The following CSRP1 variants were observed in gnomAD, a reference collection of about 807,000 sequenced individuals.
The protein encoded by CSRP1 is cysteine and glycine-rich protein 1.
In CSRP1, 16 loss-of-function variants were observed where a neutral mutation model predicts 25.4. The observed-to-expected ratio is 0.63, with a 90% confidence interval of 0.43 to 0.96. The LOEUF is 0.96. CSRP1 is among the 40% of genes least tolerant of loss of function. The pLI is 0.00. For synonymous variants in CSRP1, 97 were observed against 95.3 expected (o/e 1.02, Z -0.10); for missense variants, 212 against 243.6 (o/e 0.87, Z 0.86).
chr1:201,487,136 G>T, intron 4 of CSRP1: 1 of 529,728 alleles, frequency 1.9e-6, no homozygotes, highest in Non-Finnish European at 3.1e-6. Flanking sequence ...TTGTTGTTGG[G>T]TGTGGTAGCT....
At chr1:201,498,509 C>T (rs891397326) in intron 1 of CSRP1, among the ~76,000 whole-genome samples, 2 of 152,182 alleles carry the variant, frequency 1.3e-5, no homozygotes, top group South Asian at 2.1e-4. Context: ...GATGTGGCAA[C>T]GAGAGCCCAC....
At chr1:201,484,881 C>A in intron 5 of CSRP1, 92 bp from the exon 6 acceptor site, 1 of 1,088,458 alleles carries the variant, frequency 9.2e-7, no homozygotes, top group Admixed American at 2.1e-5. Context: ...ACTCCTAGTG[C>A]CCAGCCAGAC....
chr1:201,503,732 T>C (rs1235027920), intron 1 of CSRP1, among the ~76,000 whole-genome samples: 4 of 152,202 alleles, frequency 2.6e-5, no homozygotes, highest in Non-Finnish European at 4.4e-5. Flanking sequence ...TATAAATTCT[T>C]GACAACTAGA....
chr1:201,502,037 G>A (rs900290578), intron 1 of CSRP1, among the ~76,000 whole-genome samples: 3 of 143,866 alleles, frequency 2.1e-5, no homozygotes, highest in African/African-American at 5.3e-5. Flanking sequence ...ATAAAGTCTG[G>A]CTCAGGTGAC....
rs764524751 is a variant in CSRP1, at chr1:201,485,301, C to T, written c.487G>A (p.Gly163Ser). 9.3e-6 allele frequency: 15 copies of T among 1,614,190 alleles called. No individual in the cohort carries two copies. The highest frequency in any genetic ancestry group is 1.3e-5 in the Non-Finnish European group (15 of 1,180,018). The change falls in exon 5 of 6, where the codon GGC (glycine) becomes AGC (serine). Residue 163 changes from glycine (G) to serine (S), a missense_variant. Gly to Ser is a moderately conservative substitution (Grantham distance 56). Transcript: ENST00000340006. ...CACCCACCTTTGCAGTAAATCTCGC[C>T]ATCCTTGTCTGCCAGGGTGGTTGAC... Reference protein sequence around the residue: ...LESTTLADKDGEIYCKGCYAK... With the variant: ...LESTTLADKDSEIYCKGCYAK...
At chr1:201,487,001 A>G in intron 4 of CSRP1, 2 of 1,299,764 alleles carry the variant, frequency 1.5e-6, no homozygotes, top group South Asian at 2.5e-5. Flanking sequence ...CTTCATTGTG[A>G]CCTCAAAATA....
chr1:201,494,771 C>T (rs935862609), intron 2 of CSRP1, among the ~76,000 whole-genome samples: 1 of 152,210 alleles, frequency 6.6e-6, no homozygotes, highest in Non-Finnish European at 1.5e-5. Context: ...GGCCTCAGAC[C>T]CTGGTGAGGG....
intron 2 of CSRP1, chr1:201,491,032 G>A (rs1378991188): frequency 6.6e-6 from 1 of 152,274 alleles, no homozygotes. Context: ...GTAAGAGAGA[G>A]TGGAACGGAA....
chr1:201,499,689 C>T (rs1455723366), intron 1 of CSRP1, among the ~76,000 whole-genome samples: 1 of 152,198 alleles, frequency 6.6e-6, no homozygotes, highest in African/African-American at 2.4e-5. Context: ...AATCTCTGCT[C>T]ACTGCAACCT....
chr1:201,485,299 GC>G lies in CSRP1; in HGVS notation c.488del (p.Gly163AlafsTer87), dbSNP rs754342537. 6.2e-7 allele frequency: 1 copy of G among 1,614,094 alleles called. No homozygotes were observed. The highest frequency in any genetic ancestry group is 8.5e-7 in the Non-Finnish European group (1 of 1,179,982). The stretch of plus-strand genomic sequence containing the variant: ...AACACCCACCTTTGCAGTAAATCTC[GC>G]CATCCTTGTCTGCCAGGGTGGTTGA... ...LESTTLADKDGEIYCKGCYAK... is the reference protein window; with the variant it reads ...LESTTLADKDXEIYCKGCYAK... On this transcript the variant is annotated frameshift_variant, in exon 5 of 6. Coordinates refer to ENST00000340006, the MANE Select transcript of CSRP1 (RefSeq NM_004078.3). LOFTEE classifies it high-confidence loss of function.
chr1:201,500,912 C>A (rs148697114), intron 1 of CSRP1, among the ~76,000 whole-genome samples: 3 of 152,190 alleles, frequency 2.0e-5, no homozygotes, highest in Non-Finnish European at 4.4e-5. Context: ...GGCACAGAGG[C>A]CCTGCAGAAG....
At chr1:201,487,503 C>G (rs973056060) in intron 4 of CSRP1, 4 of 152,276 alleles carry the variant, frequency 2.6e-5, no homozygotes, top group African/African-American at 9.7e-5. Context: ...CATCCAGGCC[C>G]ACTTTAGAGC....
chr1:201,497,259 T>C (rs922425543), intron 1 of CSRP1, among the ~76,000 whole-genome samples: 6 of 145,210 alleles, frequency 4.1e-5, no homozygotes, highest in Admixed American at 3.7e-4. Context: ...CTCTGGAGGC[T>C]GAGGCAGGAG....
At chr1:201,494,270 C>T (rs1427104822) in intron 2 of CSRP1, among the ~76,000 whole-genome samples, 1 of 152,164 alleles carries the variant, frequency 6.6e-6, no homozygotes, top group African/African-American at 2.4e-5. Context: ...CAGGCACCCC[C>T]GCCCACAGCT....
chr1:201,486,826 A>G (rs1194310462), intron 4 of CSRP1: 2 of 1,153,236 alleles, frequency 1.7e-6, no homozygotes, highest in African/African-American at 3.3e-5. Context: ...CCTACTCCTT[A>G]GTACAGCCCT....
chr1:201,500,091 C>T (rs1355055519), intron 1 of CSRP1, among the ~76,000 whole-genome samples: 1 of 152,186 alleles, frequency 6.6e-6, no homozygotes, highest in African/African-American at 2.4e-5. Flanking sequence ...TCCTCTGGGT[C>T]CCAGTCACCA....
chr1:201,497,996 C>G (rs1388666513), intron 1 of CSRP1, among the ~76,000 whole-genome samples: 1 of 150,190 alleles, frequency 6.7e-6, no homozygotes, highest in Non-Finnish European at 1.5e-5. Flanking sequence ...GACGACAGAG[C>G]AAGACTCCGT....
At chr1:201,501,887 G>A (rs1664680391) in intron 1 of CSRP1, among the ~76,000 whole-genome samples, 1 of 151,994 alleles carries the variant, frequency 6.6e-6, no homozygotes, top group Admixed American at 6.6e-5. Flanking sequence ...CAGCTACTCC[G>A]GAGGCTGAGG....
Position 201,488,934 on chromosome 1 carries a change from T to A in CSRP1, c.332A>T (p.Gln111Leu), listed in dbSNP as rs142508597. 640 of 1,614,026 alleles carry A rather than the reference T, an allele frequency of 4.0e-4. 2 individuals are homozygous for A. Among genetic ancestry groups the A allele is most frequent in the Non-Finnish European group, 5.3e-4 (620 of 1,180,030 alleles). The change falls in exon 4 of 6, where the codon CAG (glutamine) becomes CTG (leucine). Residue 111 changes from glutamine (Q) to leucine (L), a missense_variant. Physicochemically the swap from Gln to Leu is moderately radical, Grantham distance 113. Coordinates refer to ENST00000340006, the MANE Select transcript of CSRP1 (RefSeq NM_004078.3). ...GCAGCGCTCGGAGCCACCAATCTTC[T>A]GGGCAAATTTGGATGCATTGGGGTT... ...TTNPNASKFA[Q>L]KIGGSERCPR...
Sources: allele counts gnomAD v4.1 joint callset (sites outside exome capture counted in the v4.1 genomes callset), GRCh38; gene constraint gnomAD v4.1.1; transcripts MANE v1.5; gene names NCBI Gene and HGNC (gene_info 2026-07-23, HGNC 2026-07-21).